TENM4: variants seen among roughly 807,000 people sequenced by gnomAD.
TENM4 encodes teneurin transmembrane protein 4.
In TENM4, 82 loss-of-function variants were observed where a neutral mutation model predicts 243.3. The observed-to-expected ratio is 0.34, with a 90% CI of 0.28 to 0.40. The LOEUF (loss-of-function observed/expected upper bound fraction) is 0.40, where lower values mean the gene tolerates loss of function less well. Ranked by LOEUF, TENM4 falls within the 10% of genes least tolerant of loss-of-function variation. The pLI is 1.00. For synonymous variants in TENM4, 1,412 were observed against 1,456.3 expected (o/e 0.97, Z 0.69); for missense variants, 3,138 against 3,673.3 (o/e 0.85, Z 3.77).
chr11:79,373,321 G>GCTGGCTGA, intron 1 of TENM4, among the ~76,000 whole-genome samples: 1 of 114,984 alleles, frequency 8.7e-6, no homozygotes, highest in East Asian at 2.0e-4. Flanking sequence ...TGGCTGGCTG[G>GCTGGCTGA]CTGGCTGGCT....
intron 6 of TENM4, among the ~76,000 whole-genome samples, chr11:78,969,715 G>A (rs187473241): frequency 4.2e-4 from 64 of 152,274 alleles, no homozygotes; most frequent in African/African-American, 1.5e-3. Context: ...ACAGTAACAT[G>A]AGCACTAGCT....
intron 18 of TENM4, among the ~76,000 whole-genome samples, chr11:78,758,604 C>T (rs1856364785): frequency 6.6e-6 from 1 of 152,230 alleles, no homozygotes; most frequent in Non-Finnish European, 1.5e-5. Flanking sequence ...CACCAAAGTA[C>T]TGCAAATGCA....
At chr11:78,938,076 T>C (rs1856824001) in intron 6 of TENM4, among the ~76,000 whole-genome samples, 2 of 152,230 alleles carry the variant, frequency 1.3e-5, no homozygotes, top group Admixed American at 1.3e-4. Flanking sequence ...ATTGTTCTAG[T>C]AGGAAATCTG....
chr11:78,808,596 A>T (rs1857436301), intron 14 of TENM4, among the ~76,000 whole-genome samples: 1 of 152,232 alleles, frequency 6.6e-6, no homozygotes, highest in African/African-American at 2.4e-5. Flanking sequence ...TAGGCCTCTT[A>T]CCATTTCCCC....
chr11:79,009,467 A>G (rs1011931330), intron 6 of TENM4, among the ~76,000 whole-genome samples: 23 of 152,210 alleles, frequency 1.5e-4, no homozygotes, highest in Non-Finnish European at 3.2e-4. Flanking sequence ...CCTGGAAATA[A>G]AACAAGTACA....
intron 12 of TENM4, among the ~76,000 whole-genome samples, chr11:78,834,361 T>C (rs1311761726): frequency 6.6e-6 from 1 of 152,226 alleles, no homozygotes; most frequent in African/African-American, 2.4e-5. Flanking sequence ...TTGAGTTCTT[T>C]TGTTTTCCTA....
intron 25 of TENM4, among the ~76,000 whole-genome samples, chr11:78,713,726 AATT>A (rs1194045784): frequency 2.0e-5 from 3 of 152,160 alleles, no homozygotes; most frequent in Non-Finnish European, 4.4e-5. Context: ...GCTCAATAAT[AATT>A]ATTATTTTAA....
At chr11:78,867,496 G>T (rs528835040) in intron 9 of TENM4, among the ~76,000 whole-genome samples, 1 of 152,324 alleles carries the variant, frequency 6.6e-6, no homozygotes, top group East Asian at 1.9e-4. Context: ...TTATGGGAGA[G>T]GGGGAGAGGG....
intron 1 of TENM4, among the ~76,000 whole-genome samples, chr11:79,409,672 G>A (rs1459509363): frequency 6.6e-6 from 1 of 152,118 alleles, no homozygotes; most frequent in African/African-American, 2.4e-5. Context: ...CACTACGGAT[G>A]CCCTCAACCC....
intron 2 of TENM4, chr11:79,220,833 A>G (rs917651164): frequency 6.6e-6 from 1 of 152,194 alleles, no homozygotes; most frequent in Non-Finnish European, 1.5e-5. Context: ...TGAGATCTGT[A>G]CAAACTACAG....
intron 7 of TENM4, among the ~76,000 whole-genome samples, chr11:78,896,917 A>G (rs1157862361): frequency 6.6e-6 from 1 of 152,162 alleles, no homozygotes; most frequent in East Asian, 1.9e-4. Flanking sequence ...AGAAGAGTGA[A>G]GACAGCAGCC....
intron 1 of TENM4, among the ~76,000 whole-genome samples, chr11:79,364,736 G>A (rs1297769869): frequency 6.6e-6 from 1 of 152,172 alleles, no homozygotes; most frequent in Non-Finnish European, 1.5e-5. Flanking sequence ...TTACACATCT[G>A]TAAATGCCAC....
chr11:79,146,576 T>C (rs573222438), intron 4 of TENM4, among the ~76,000 whole-genome samples: 14 of 152,186 alleles, frequency 9.2e-5, no homozygotes, highest in African/African-American at 3.4e-4. Flanking sequence ...CATGGTCTTA[T>C]GGAACCAAAG....
chr11:79,126,422 G>A (rs7122913), intron 4 of TENM4, among the ~76,000 whole-genome samples: 141,876 of 152,302 alleles, frequency 0.93, 66,749 homozygotes, highest in Middle Eastern at 1. Context: ...TTTAAATATA[G>A]TGGGAATAAT....
intron 2 of TENM4, among the ~76,000 whole-genome samples, chr11:79,286,340 C>T (rs1555041873): frequency 6.6e-6 from 1 of 151,940 alleles, no homozygotes; most frequent in Non-Finnish European, 1.5e-5. Context: ...CACGTTTGAC[C>T]TCAATTTTTG....
intron 1 of TENM4, among the ~76,000 whole-genome samples, chr11:79,348,022 A>G (rs1022478797): frequency 6.7e-6 from 1 of 149,100 alleles, no homozygotes; most frequent in African/African-American, 2.5e-5. Flanking sequence ...CTCATGATCC[A>G]CCCGCCTCGG....
chr11:79,126,982 A>C (rs751323254), intron 4 of TENM4, among the ~76,000 whole-genome samples: 1 of 152,226 alleles, frequency 6.6e-6, no homozygotes, highest in Admixed American at 6.5e-5. Context: ...TCCTCCAGTT[A>C]AAGTAGGCGC....
intron 6 of TENM4, among the ~76,000 whole-genome samples, chr11:79,045,737 T>A (rs375982551): frequency 1.5e-5 from 2 of 133,606 alleles, no homozygotes; most frequent in East Asian, 2.1e-4. Flanking sequence ...TTTTTTTTTT[T>A]AAATTAGAAA....
rs1856237398 is a variant in TENM4, at chr11:78,913,469, G to T, written c.494-9946C>A. On this transcript the variant is annotated intron_variant, in intron 6 of 33. Coordinates refer to ENST00000278550, the MANE Select transcript of TENM4 (RefSeq NM_001098816.3). ...TGGGAAAGCTTTCTGGCTGTCAAGT[G>T]AGTTTTCCTTCCTTCCATTGCCACC... is the stretch of plus-strand genomic sequence containing the variant. 2.6e-5 allele frequency among the ~76,000 whole-genome samples: 4 copies of T among 152,108 alleles called. No individual in the cohort carries two copies. In the South Asian group the frequency reaches 8.3e-4, roughly 32 times the overall value.
Sources: gnomAD v4.1 joint callset for allele counts (sites outside exome capture counted in the v4.1 genomes callset) on GRCh38, gnomAD v4.1.1 for gene constraint, MANE v1.5 for transcripts, NCBI Gene and HGNC (gene_info 2026-07-23, HGNC 2026-07-21) for gene names.